RABGEF1: variants seen among roughly 807,000 people sequenced by gnomAD.
The protein encoded by RABGEF1 is rab5 GDP/GTP exchange factor.
Under a neutral mutation model 57.3 loss-of-function variants are expected in RABGEF1, and 26 were observed. That is an observed-to-expected ratio of 0.45 (90% CI 0.33 to 0.63). RABGEF1 has a LOEUF of 0.63. Among genes scored for constraint, RABGEF1 ranks in the 20% least tolerant of loss-of-function variants. The pLI is 0.02. For synonymous variants in RABGEF1, 185 were observed against 210.7 expected, an observed-to-expected ratio of 0.88 and a Z score of 1.06; for missense variants, 464 against 607.6, an observed-to-expected ratio of 0.76 and a Z score of 2.48.
chr7:66,795,887 CCAG>C (rs1210304111), intron 5 of RABGEF1, among the ~76,000 whole-genome samples: 28 of 152,176 alleles, frequency 1.8e-4, no homozygotes, highest in African/African-American at 6.5e-4. Context: ...GCCTGTAATC[CCAG>C]CACTTTGGGA....
intron 2 of RABGEF1, among the ~76,000 whole-genome samples, chr7:66,731,317 A>AG (rs1316775630): frequency 6.6e-6 from 1 of 152,124 alleles, no homozygotes; most frequent in Admixed American, 6.6e-5. Flanking sequence ...GAGAAGAGGA[A>AG]GAAGGGGGTC....
intron 1 of RABGEF1, among the ~76,000 whole-genome samples, chr7:66,705,250 A>G (rs1793839510): frequency 6.6e-6 from 1 of 151,998 alleles, no homozygotes; most frequent in Non-Finnish European, 1.5e-5. Context: ...AAAATGCAAA[A>G]AATTAGCTGG....
chr7:66,705,113 A>G (rs1793817990), intron 1 of RABGEF1, among the ~76,000 whole-genome samples: 1 of 151,884 alleles, frequency 6.6e-6, no homozygotes, highest in Non-Finnish European at 1.5e-5. Flanking sequence ...TGGAAAAGCA[A>G]TAGATGGCCG....
chr7:66,705,982 A>G (rs920092670), intron 1 of RABGEF1, among the ~76,000 whole-genome samples: 2 of 140,404 alleles, frequency 1.4e-5, no homozygotes, highest in Non-Finnish European at 3.0e-5. Flanking sequence ...GGCTCACTGC[A>G]AGCTCCGCTT....
chr7:66,678,407 T>C (rs1215647400), upstream of RABGEF1, among the ~76,000 whole-genome samples: 5 of 150,612 alleles, frequency 3.3e-5, no homozygotes, highest in Non-Finnish European at 3.0e-5. Context: ...CTACTAAAAA[T>C]ACAAAAAATT....
chr7:66,793,955 C>T (rs1813371838), intron 4 of RABGEF1, among the ~76,000 whole-genome samples: 1 of 152,142 alleles, frequency 6.6e-6, no homozygotes. Context: ...TCATGTTCTT[C>T]TACTGTGACA....
chr7:66,751,321 G>A (rs1485122057), intron 1 of RABGEF1, among the ~76,000 whole-genome samples: 2 of 152,136 alleles, frequency 1.3e-5, no homozygotes, highest in Admixed American at 6.5e-5. Context: ...GTGAGCCACC[G>A]TACCTGGCCT....
In RABGEF1 at chr7:66,772,729, T is replaced by G. The variant is rs1203850555; in HGVS notation, c.179+651T>G. Reference sequence around the variant, plus strand: ...TTCGAGACCAGCCTGACCAACATGGTGAAACCCCCTCTCTACTAAAAATAT... The same window carrying G: ...TTCGAGACCAGCCTGACCAACATGGGGAAACCCCCTCTCTACTAAAAATAT... On this transcript the variant is annotated intron_variant, in intron 2 of 8. Coordinates refer to ENST00000284957, the MANE Select transcript of RABGEF1 (RefSeq NM_014504.3). Among the ~76,000 whole-genome samples the G allele has an allele frequency of 2.0e-5, 3 of 151,758 alleles. No individual in the cohort carries two copies. The East Asian group carries it at 5.8e-4, about 29-fold the overall frequency.
rs1792450024 is a variant in RABGEF1, at chr7:66,697,028, C to T, written c.-873+14770C>T. On this transcript the variant is annotated intron_variant and NMD_transcript_variant, in intron 1 of 9. Transcript: ENST00000607882. ...GAGAGAGGACTGCAGAAGGAGGCAC[C>T]CCTGACCCCATGCCCCAGGGGACCC... Among the ~76,000 whole-genome samples, 3 of 152,246 alleles carry T rather than the reference C, an allele frequency of 2.0e-5. No homozygotes were observed. In the South Asian group the frequency reaches 6.2e-4, roughly 32 times the overall value.
At position 66,800,906 on chromosome 7, in the gene RABGEF1, TAGCTGTGTTCC is replaced by T. The variant is rs1173352019; in HGVS notation, c.820+1494_820+1504del. Among the ~76,000 whole-genome samples the T allele has an allele frequency of 3.9e-5, 6 of 152,286 alleles. No individual in the cohort carries two copies. The East Asian group carries it at 1.2e-3, about 29-fold the overall frequency. Reference sequence around the variant, plus strand: ...GGTGGCCCAAGGGATCAGGAAAGCATAGCTGTGTTCCATGAATAGTGGGACTCGATAGGAGA... The same window carrying T: ...GGTGGCCCAAGGGATCAGGAAAGCATATGAATAGTGGGACTCGATAGGAGA... On this transcript the variant is annotated intron_variant, in intron 7 of 8. Transcript: ENST00000284957.
chr7:66,805,007 T>A, intron 7 of RABGEF1, 133 bp from the exon 8 acceptor site: 3 of 998,020 alleles, frequency 3.0e-6, no homozygotes, highest in Non-Finnish European at 2.9e-6. Flanking sequence ...TAAGTTATTA[T>A]ATACTAAGTT....
rs113777208 is a variant in RABGEF1 at position 66,745,076 on chromosome 7, C to T, written c.-18+4284C>T. ...GCATGGTTGCAGGCGCCTGTAGTCT[C>T]AGTTACTCAGGAGGCTGAGGCAGGA... is the stretch of plus-strand genomic sequence containing the variant. On this transcript the variant is annotated intron_variant, in intron 1 of 8. Coordinates refer to ENST00000284957, the MANE Select transcript of RABGEF1 (RefSeq NM_014504.3). 1.7e-3 allele frequency among the ~76,000 whole-genome samples: 254 copies of T among 151,928 alleles called. 1 individual carries two copies. The highest frequency in any genetic ancestry group is 6.0e-3 in the African/African-American group (247 of 41,424).
intron 1 of RABGEF1, among the ~76,000 whole-genome samples, chr7:66,754,563 G>GTGAGACCT (rs1341669397): frequency 6.6e-6 from 1 of 151,966 alleles, no homozygotes; most frequent in Non-Finnish European, 1.5e-5. Context: ...GGCCAACAGG[G>GTGAGACCT]TGAGACCTTG....
chr7:66,713,261 C>G (rs1265135436), intron 2 of RABGEF1, among the ~76,000 whole-genome samples: 3 of 151,944 alleles, frequency 2.0e-5, no homozygotes, highest in African/African-American at 7.3e-5. Flanking sequence ...TCTGCCTCAG[C>G]CTCCCGAGTA....
At chr7:66,686,760 C>G (rs1324642069) in intron 1 of RABGEF1, among the ~76,000 whole-genome samples, 1 of 151,748 alleles carries the variant, frequency 6.6e-6, no homozygotes, top group Non-Finnish European at 1.5e-5. Context: ...TTCCTGTTTT[C>G]AATGAAGTGA....
chr7:66,788,860 C>A (rs2129153397), intron 4 of RABGEF1, among the ~76,000 whole-genome samples: 1 of 151,904 alleles, frequency 6.6e-6, no homozygotes, highest in East Asian at 1.9e-4. Flanking sequence ...GAGGCTGAGG[C>A]AGGAGAATCA....
intron 1 of RABGEF1, among the ~76,000 whole-genome samples, chr7:66,749,360 A>T (rs1008047741): frequency 2.6e-5 from 4 of 152,196 alleles, no homozygotes; most frequent in Non-Finnish European, 4.4e-5. Flanking sequence ...TTGCCTAAAT[A>T]TAGTTATGTA....
At chr7:66,695,962 TCA>T (rs888444387) in intron 1 of RABGEF1, among the ~76,000 whole-genome samples, 4 of 122,258 alleles carry the variant, frequency 3.3e-5, no homozygotes, top group African/African-American at 5.5e-5. Flanking sequence ...CGAGACTGTC[TCA>T]AAAAAAAAAA....
At chr7:66,674,650 A>G in the RABGEF1 span, among the ~76,000 whole-genome samples, 5 of 152,172 alleles carry the variant, frequency 3.3e-5, no homozygotes, top group African/African-American at 9.6e-5. Flanking sequence ...TACACACAAT[A>G]TGGTGGATAA....
Sources: allele counts gnomAD v4.1 joint callset (sites outside exome capture counted in the v4.1 genomes callset), GRCh38; gene constraint gnomAD v4.1.1; transcripts MANE v1.5; gene names NCBI Gene and HGNC (gene_info 2026-07-23, HGNC 2026-07-21).